FBXO36: variants seen among roughly 807,000 people sequenced by gnomAD.
FBXO36 encodes F-box only protein 36.
In FBXO36, 18 loss-of-function variants were observed where a neutral mutation model predicts 17.0. The ratio of observed to expected loss-of-function variants is 1.06; its 90% CI spans 0.73 to 1.57. The LOEUF (loss-of-function observed/expected upper bound fraction) is 1.57. Among genes scored for constraint, FBXO36 ranks in the 40% most tolerant of loss-of-function variants. FBXO36 has a pLI of 0.00. For missense variants in FBXO36, 229 were observed against 221.9 expected (o/e 1.03, Z -0.20); for synonymous variants, 83 against 85.3 (o/e 0.97, Z 0.15).
rs2077111180 is a variant in FBXO36, at chr2:229,959,776, G to A, written c.97-16465G>A. Among the ~76,000 whole-genome samples, 3 of 152,110 alleles carry A rather than the reference G, an allele frequency of 2.0e-5. No homozygotes were observed. The South Asian group carries it at 6.2e-4, about 31-fold the overall frequency. On this transcript the variant is annotated intron_variant, in intron 1 of 3. Coordinates refer to ENST00000283946, the MANE Select transcript of FBXO36 (RefSeq NM_174899.5). ...CAGGAGAATGGCGTGAACCCAGGAG[G>A]TGGAGCTTGCAGTGAGCCAAGATCG...
In FBXO36 at chr2:229,922,597, C is replaced by T; in HGVS notation, c.84C>T (p.Val28=). 7 of 1,614,030 alleles carry T rather than the reference C, an allele frequency of 4.3e-6. No individual in the cohort carries two copies. Among genetic ancestry groups the T allele is most frequent in the Non-Finnish European group, 4.2e-6 (5 of 1,179,990 alleles). The change falls in exon 1 of 4, where the codon GTC becomes GTT. Residue 28 remains valine (V), a synonymous_variant. Coordinates refer to ENST00000283946, the MANE Select transcript of FBXO36 (RefSeq NM_174899.5). ...GCAAAGACTATTACCAGTTACTGGT[C>T]ACCCGGTCTCAGGCAAGTGCGAGCC... ...PPSKDYYQLL[V]TRSQVIFRWW...
At chr2:229,957,317 C>T (rs1306512008) in intron 1 of FBXO36, among the ~76,000 whole-genome samples, 3 of 152,178 alleles carry the variant, frequency 2.0e-5, no homozygotes, top group Non-Finnish European at 4.4e-5. Context: ...TGGCTCATGC[C>T]TGTAATCCCA....
At chr2:229,931,569 G>A (rs1458432875) in intron 1 of FBXO36, among the ~76,000 whole-genome samples, 1 of 152,186 alleles carries the variant, frequency 6.6e-6, no homozygotes, top group Non-Finnish European at 1.5e-5. Context: ...CGACCGGCAT[G>A]TTGGCTCACA....
At chr2:229,966,956 A>G (rs1028124734) in intron 1 of FBXO36, among the ~76,000 whole-genome samples, 20 of 152,164 alleles carry the variant, frequency 1.3e-4, no homozygotes, top group Non-Finnish European at 1.9e-4. Flanking sequence ...CATTGAATCT[A>G]TAAATTACCT....
intron 3 of FBXO36, among the ~76,000 whole-genome samples, chr2:229,997,821 G>A (rs1338394383): frequency 6.6e-6 from 1 of 152,166 alleles, no homozygotes; most frequent in Admixed American, 6.6e-5. Flanking sequence ...GCTGATTTCA[G>A]CCATTGTCAA....
At chr2:230,002,683 A>G (rs2077366361) in intron 3 of FBXO36, among the ~76,000 whole-genome samples, 1 of 152,132 alleles carries the variant, frequency 6.6e-6, no homozygotes, top group Admixed American at 6.6e-5. Flanking sequence ...CATGCCCGGC[A>G]TTAATTTTTT....
intron 1 of FBXO36, among the ~76,000 whole-genome samples, chr2:229,960,025 A>T (rs2077112254): frequency 1.3e-5 from 2 of 152,234 alleles, no homozygotes; most frequent in South Asian, 4.1e-4. Context: ...TATTGAAAGC[A>T]TGCATAATGA....
At chr2:229,949,152 T>A (rs577120940) in intron 1 of FBXO36, among the ~76,000 whole-genome samples, 1 of 152,212 alleles carries the variant, frequency 6.6e-6, no homozygotes, top group African/African-American at 2.4e-5. Context: ...CTCTTTTTTT[T>A]ACATAAATGC....
intron 1 of FBXO36, among the ~76,000 whole-genome samples, chr2:229,947,375 G>A (rs746565639): frequency 2.0e-5 from 3 of 152,190 alleles, no homozygotes; most frequent in Non-Finnish European, 4.4e-5. Context: ...TGATACTATA[G>A]TTGGGAAGTA....
intron 1 of FBXO36, among the ~76,000 whole-genome samples, chr2:229,971,323 C>G (rs1021177650): frequency 6.6e-6 from 1 of 151,206 alleles, no homozygotes; most frequent in Non-Finnish European, 1.5e-5. Flanking sequence ...CCACTGAACT[C>G]CAGCCTGAGT....
At chr2:230,003,932 C>G (rs1046912672) in intron 3 of FBXO36, among the ~76,000 whole-genome samples, 11 of 152,322 alleles carry the variant, frequency 7.2e-5, no homozygotes, top group African/African-American at 2.6e-4. Context: ...TCCATGTGAG[C>G]TCAGGGTGGC....
chr2:229,933,164 G>A (rs1337206373), intron 1 of FBXO36, among the ~76,000 whole-genome samples: 20 of 152,162 alleles, frequency 1.3e-4, no homozygotes, highest in Non-Finnish European at 1.5e-5. Context: ...AGGACGAGGC[G>A]GGTGGATCAC....
chr2:229,969,551 G>C (rs2106189357), intron 1 of FBXO36, among the ~76,000 whole-genome samples: 1 of 152,224 alleles, frequency 6.6e-6, no homozygotes, highest in East Asian at 1.9e-4. Flanking sequence ...AGCCGGGCGT[G>C]GTGGCACATG....
At chr2:229,982,099 C>G (rs956063717) in intron 2 of FBXO36, among the ~76,000 whole-genome samples, 6 of 151,996 alleles carry the variant, frequency 3.9e-5, no homozygotes, top group Non-Finnish European at 5.9e-5. Flanking sequence ...TCCTGGCTCA[C>G]TGCAACTTCC....
chr2:229,992,763 A>C (rs921833018), intron 2 of FBXO36, among the ~76,000 whole-genome samples: 1 of 152,348 alleles, frequency 6.6e-6, no homozygotes, highest in East Asian at 1.9e-4. Context: ...TTTGGGAGCA[A>C]CTTAACTGAG....
At chr2:230,002,520 A>G (rs2077365186) in intron 3 of FBXO36, among the ~76,000 whole-genome samples, 1 of 151,948 alleles carries the variant, frequency 6.6e-6, no homozygotes, top group African/African-American at 2.4e-5. Context: ...GGTAGCTGGG[A>G]CTACAGGCCT....
At chr2:229,950,080 G>A (rs543548891) in intron 1 of FBXO36, among the ~76,000 whole-genome samples, 9 of 152,302 alleles carry the variant, frequency 5.9e-5, no homozygotes, top group African/African-American at 2.2e-4. Context: ...CTAGGACAGG[G>A]GACACTGGCC....
chr2:229,942,991 A>G (rs2077007775), intron 1 of FBXO36: 2 of 152,150 alleles, frequency 1.3e-5, no homozygotes, highest in African/African-American at 4.8e-5. Flanking sequence ...ATAGTCTCAT[A>G]TGGATCCACC....
chr2:229,933,115 A>C lies in FBXO36; in HGVS notation c.96+10506A>C, dbSNP rs1441255665. On this transcript the variant is annotated intron_variant, in intron 1 of 3. Coordinates refer to ENST00000283946, the MANE Select transcript of FBXO36 (RefSeq NM_174899.5). ...GTTTGCATCGAAGATTGTATATTAG[A>C]GGCTGGGCACGGTGGCTCACACCTG... Among the ~76,000 whole-genome samples, 4 of 152,098 alleles carry C rather than the reference A, an allele frequency of 2.6e-5. No individual in the cohort carries two copies. The East Asian group carries it at 7.7e-4, about 29-fold the overall frequency.
Sources: allele counts gnomAD v4.1 joint callset (sites outside exome capture counted in the v4.1 genomes callset), GRCh38; gene constraint gnomAD v4.1.1; transcripts MANE v1.5; gene names NCBI Gene and HGNC (gene_info 2026-07-23, HGNC 2026-07-21).